The following CEP85L variants were observed in gnomAD, a reference collection of about 807,000 sequenced individuals.
CEP85L encodes the protein centrosomal protein 85L, also known as centrosomal protein of 85 kDa-like.
In CEP85L, 60 loss-of-function variants were observed where a neutral mutation model predicts 100.3. The ratio of observed to expected loss-of-function variants is 0.60; its 90% CI spans 0.49 to 0.74. The LOEUF (loss-of-function observed/expected upper bound fraction) is 0.74. Among genes scored for constraint, CEP85L ranks in the 30% least tolerant of loss-of-function variants. The pLI is 0.00. For missense variants in CEP85L, 973 were observed against 936.2 expected (o/e 1.04, Z -0.51); for synonymous variants, 319 against 322.7 (o/e 0.99, Z 0.12).
intron 5 of CEP85L, among the ~76,000 whole-genome samples, chr6:118,505,649 G>A (rs1466181769): frequency 6.6e-6 from 1 of 152,134 alleles, no homozygotes; most frequent in Non-Finnish European, 1.5e-5. Flanking sequence ...GGTTTGAATA[G>A]TATGTACTAT....
At position 118,542,923 on chromosome 6, in the gene CEP85L, A is replaced by AAAAAAAAAAAAAAC. The variant is rs1554216838; in HGVS notation, c.1021-19004_1021-19003insGTTTTTTTTTTTTT. 5.2e-3 allele frequency among the ~76,000 whole-genome samples: 753 copies of AAAAAAAAAAAAAAC among 143,836 alleles called. 29 individuals carry two copies. Among genetic ancestry groups the AAAAAAAAAAAAAAC allele is most frequent in the Non-Finnish European group, 9.9e-3 (639 of 64,494 alleles). The allele number at this position is 143,836 out of a possible 152,430, so 94.4% of individuals were successfully genotyped here. On this transcript the variant is annotated intron_variant, in intron 3 of 12. Coordinates refer to ENST00000368491, the MANE Select transcript of CEP85L (RefSeq NM_001042475.3). ...CCCAAAAAAAAAAAAAAAAAAAAAA[A>AAAAAAAAAAAAAAC]CAGGATATTCACAGCAACCAATCAG...
At chr6:118,524,142 G>A (rs900964566) in intron 3 of CEP85L, among the ~76,000 whole-genome samples, 4 of 152,018 alleles carry the variant, frequency 2.6e-5, no homozygotes, top group South Asian at 4.1e-4. Flanking sequence ...ACAACAGAAC[G>A]TTTATCCTGG....
At chr6:118,660,903 T>C (rs1052397523) in intron 1 of CEP85L, among the ~76,000 whole-genome samples, 1 of 152,144 alleles carries the variant, frequency 6.6e-6, no homozygotes, top group African/African-American at 2.4e-5. Context: ...TTTCTTTTTT[T>C]GAGACGGAGT....
At chr6:118,512,367 C>CA (rs892467135) in intron 4 of CEP85L, among the ~76,000 whole-genome samples, 6 of 151,526 alleles carry the variant, frequency 4.0e-5, no homozygotes, top group Admixed American at 3.3e-4. Flanking sequence ...GAAGGGCAAC[C>CA]AAAAAAAATA....
intron 5 of CEP85L, among the ~76,000 whole-genome samples, chr6:118,504,305 G>A (rs1487292900): frequency 2.0e-5 from 3 of 152,082 alleles, no homozygotes; most frequent in African/African-American, 7.2e-5. Context: ...AACCCAGTAT[G>A]CGGAGGTTGC....
intron 4 of CEP85L, among the ~76,000 whole-genome samples, chr6:118,512,731 AC>A (rs2114723742): frequency 6.6e-6 from 1 of 152,312 alleles, no homozygotes; most frequent in South Asian, 2.1e-4. Context: ...CCTTGATAAA[AC>A]AGCTCTAATG....
chr6:118,569,408 TATGTA>T (rs1779750858), intron 2 of CEP85L, among the ~76,000 whole-genome samples: 1 of 139,464 alleles, frequency 7.2e-6, no homozygotes, highest in Non-Finnish European at 1.5e-5. Context: ...CATGTATACA[TATGTA>T]ACAAACCTGC....
intron 2 of CEP85L, among the ~76,000 whole-genome samples, chr6:118,570,105 T>C (rs1016120110): frequency 3.3e-5 from 5 of 152,152 alleles, no homozygotes; most frequent in Non-Finnish European, 5.9e-5. Context: ...TATACATTCA[T>C]TAGCAGAGAA....
intron 3 of CEP85L, among the ~76,000 whole-genome samples, chr6:118,552,737 T>C (rs922498717): frequency 4.6e-5 from 7 of 151,918 alleles, no homozygotes; most frequent in Admixed American, 6.6e-5. Context: ...CCACAAAGAA[T>C]AGTAAAGAAT....
At position 118,700,506 on chromosome 6, in the gene CEP85L, G is replaced by T. The variant is rs114974935; in HGVS notation, c.-28+9530C>A. Among the ~76,000 whole-genome samples, 755 of 152,246 alleles carry T rather than the reference G, an allele frequency of 5.0e-3. 6 individuals carry two copies. Among genetic ancestry groups the T allele is most frequent in the African/African-American group, 0.017 (726 of 41,548 alleles). On this transcript the variant is annotated intron_variant, in intron 1 of 13. Coordinates refer to the CEP85L transcript ENST00000368488. ...TCTATAGTTATGCTCTTCCTTTCTT[G>T]GTCTAGTACTCTCAATCCATTTCCA...
chr6:118,576,951 G>T (rs1337419429), intron 2 of CEP85L, among the ~76,000 whole-genome samples: 2 of 152,148 alleles, frequency 1.3e-5, no homozygotes, highest in East Asian at 3.9e-4. Context: ...AACCCAAACT[G>T]TCCCCTTTCC....
chr6:118,558,435 T>C (rs755943902), intron 3 of CEP85L, among the ~76,000 whole-genome samples: 26 of 151,876 alleles, frequency 1.7e-4, no homozygotes, highest in Non-Finnish European at 8.8e-5. Context: ...TTTTGTTATA[T>C]GTTGTTTTGC....
At chr6:118,675,982 A>G (rs1325087036) in intron 1 of CEP85L, among the ~76,000 whole-genome samples, 1 of 152,200 alleles carries the variant, frequency 6.6e-6, no homozygotes, top group African/African-American at 2.4e-5. Context: ...TTTCCCAAAG[A>G]AGATCAAGCC....
At chr6:118,491,316 A>G (rs1029904240) in intron 6 of CEP85L, 1 of 267,398 alleles carries the variant, frequency 3.7e-6, no homozygotes, top group African/African-American at 2.3e-5. Context: ...CTTCAGTTTA[A>G]TAACTTAAGT....
intron 4 of CEP85L, 25 bp downstream of exon 4, chr6:118,523,777 A>G (rs766843466): frequency 1.8e-6 from 2 of 1,131,968 alleles, no homozygotes; most frequent in Non-Finnish European, 2.6e-6. Flanking sequence ...GGCCTGAAAT[A>G]TTTAATAATT....
At chr6:118,574,253 G>T (rs879516485) in intron 2 of CEP85L, among the ~76,000 whole-genome samples, 1 of 152,112 alleles carries the variant, frequency 6.6e-6, no homozygotes, top group Admixed American at 6.5e-5. Flanking sequence ...TTAGCAAATT[G>T]CATGTTCACC....
At chr6:118,672,582 A>C (rs1288921129) in intron 1 of CEP85L, among the ~76,000 whole-genome samples, 1 of 152,156 alleles carries the variant, frequency 6.6e-6, no homozygotes, top group South Asian at 2.1e-4. Context: ...CCTGGGCAAC[A>C]TGGTGAGACT....
chr6:118,613,780 G>A (rs982099926), intron 2 of CEP85L, among the ~76,000 whole-genome samples: 7 of 71,042 alleles, frequency 9.9e-5, no homozygotes, highest in Non-Finnish European at 2.0e-4. Context: ...AAAATTCTGG[G>A]CCCAGAGTGT....
At chr6:118,552,120 T>A (rs1778583551) in intron 3 of CEP85L, among the ~76,000 whole-genome samples, 1 of 151,996 alleles carries the variant, frequency 6.6e-6, no homozygotes. Context: ...CTAGAGTATA[T>A]CAGACTGTAG....
Sources: gnomAD v4.1 joint callset for allele counts (sites outside exome capture counted in the v4.1 genomes callset) on GRCh38, gnomAD v4.1.1 for gene constraint, MANE v1.5 for transcripts, NCBI Gene and HGNC (gene_info 2026-07-23, HGNC 2026-07-21) for gene names.